Variants in IQCH observed in about 807,000 individuals in gnomAD.
IQCH encodes the protein IQ domain-containing protein H.
In IQCH, 98 loss-of-function variants were observed where a neutral mutation model predicts 117.0. The observed-to-expected ratio is 0.84, with a 90% CI of 0.71 to 0.99. The LOEUF (loss-of-function observed/expected upper bound fraction) is 0.99, where lower values mean the gene tolerates loss of function less well. Ranked by LOEUF, IQCH falls within the 50% of genes least tolerant of loss-of-function variation. IQCH has a pLI of 0.00. For synonymous variants in IQCH, 412 were observed against 448.2 expected (o/e 0.92, Z 1.02); for missense variants, 1,102 against 1,243.8 (o/e 0.89, Z 1.72).
intron 10 of IQCH, 73 bp downstream of exon 10, chr15:67,373,506 C>T (rs1416362312): frequency 1.0e-6 from 1 of 978,930 alleles, no homozygotes; most frequent in Admixed American, 1.7e-5. Context: ...TGATTGAGTT[C>T]AAGGAAGGCC....
rs866733814 is a variant in IQCH at position 67,457,142 on chromosome 15, C to A, written c.2506-7985C>A. On this transcript the variant is annotated intron_variant, in intron 16 of 20. Coordinates refer to ENST00000335894, the MANE Select transcript of IQCH (RefSeq NM_001031715.3). The surrounding 1 kb of genome is among the most constrained non-coding windows in gnomAD (Gnocchi z 5.7). ...TGCCACCAGGTGGCAACAAGCCAAG[C>A]GGCTGCTCTCCCCTCTGCCTATTGA... Among the ~76,000 whole-genome samples, 2 of 152,182 alleles carry A rather than the reference C, an allele frequency of 1.3e-5. No individual in the cohort carries two copies. Among genetic ancestry groups the A allele is most frequent in the East Asian group, 1.9e-4 (1 of 5,192 alleles).
intron 8 of IQCH, among the ~76,000 whole-genome samples, chr15:67,363,304 C>T (rs190126035): frequency 3.4e-4 from 51 of 148,686 alleles, no homozygotes; most frequent in Admixed American, 6.0e-4. Flanking sequence ...GGCATGATCT[C>T]GGCTCACTGC....
intron 12 of IQCH, among the ~76,000 whole-genome samples, chr15:67,392,429 T>C (rs1288144220): frequency 3.9e-5 from 6 of 152,164 alleles, no homozygotes; most frequent in Non-Finnish European, 7.4e-5. Flanking sequence ...CACTGGCCAT[T>C]GTCAAATGGA....
chr15:67,358,898 C>T (rs538786172), intron 7 of IQCH, among the ~76,000 whole-genome samples: 1 of 152,206 alleles, frequency 6.6e-6, no homozygotes, highest in Non-Finnish European at 1.5e-5. Context: ...AAGAGATTTC[C>T]AAGCTATTTA....
chr15:67,458,498 C>T lies in IQCH; in HGVS notation c.2506-6629C>T, dbSNP rs1654968922. Among the ~76,000 whole-genome samples the T allele has an allele frequency of 6.6e-6, 1 of 152,202 alleles. No homozygotes were observed. Among genetic ancestry groups the T allele is most frequent in the Non-Finnish European group, 1.5e-5 (1 of 68,046 alleles). On this transcript the variant is annotated intron_variant, in intron 16 of 20. Coordinates refer to ENST00000335894, the MANE Select transcript of IQCH (RefSeq NM_001031715.3). This position sits in a 1 kb window ranked among gnomAD's most constrained non-coding sequence, Gnocchi z 4.1. ...CTGGACTCCCTGTTTCCATCCTTGC[C>T]CCCTCAGGGCCTCTTGTCAATGCAA...
intron 1 of IQCH, among the ~76,000 whole-genome samples, chr15:67,256,393 C>T (rs758002687): frequency 6.6e-5 from 10 of 152,166 alleles, no homozygotes; most frequent in Non-Finnish European, 1.0e-4. Flanking sequence ...TTGTGGTTGA[C>T]CATTAATCTC....
rs1567241828 is a variant in IQCH, at chr15:67,500,592, G to T, written c.2971-41G>T. ...ACCAGATGCTTGGGGGAGAGGGATT[G>T]TAAGAGGTCTTTAAGTAATAAATAT... On this transcript the variant is annotated intron_variant, in intron 20 of 20. Coordinates refer to ENST00000335894, the MANE Select transcript of IQCH (RefSeq NM_001031715.3). The surrounding 1 kb of genome is among the most constrained non-coding windows in gnomAD (Gnocchi z 4.4). 1 of 1,024,458 alleles carries T rather than the reference G, an allele frequency of 9.8e-7. No individual in the cohort carries two copies. Among genetic ancestry groups the T allele is most frequent in the Non-Finnish European group, 1.5e-6 (1 of 668,972 alleles). The allele number at this position is 1,024,458 out of a possible 1,614,324, so 63.5% of individuals were successfully genotyped here.
At position 67,295,245 on chromosome 15, in the gene IQCH, C is replaced by T. The variant is rs182381260; in HGVS notation, c.387+15733C>T. Among the ~76,000 whole-genome samples the T allele has an allele frequency of 3.9e-5, 6 of 152,254 alleles. No homozygotes were observed. The East Asian group carries it at 1.2e-3, about 29-fold the overall frequency. ...GAGTCTGCTAGTATCCCCAGTATTC[C>T]TCTCCCTCTTTCTTTGTAATAACAC... On this transcript the variant is annotated intron_variant, in intron 4 of 20. Coordinates refer to ENST00000335894, the MANE Select transcript of IQCH (RefSeq NM_001031715.3).
At chr15:67,429,863 A>C (rs1221192949) in intron 16 of IQCH, among the ~76,000 whole-genome samples, 3 of 152,236 alleles carry the variant, frequency 2.0e-5, no homozygotes, top group African/African-American at 7.2e-5. Flanking sequence ...GAAAGTGGAG[A>C]ATTCTTTCTA....
At chr15:67,442,114 T>A (rs1249122304) in intron 16 of IQCH, among the ~76,000 whole-genome samples, 1 of 151,858 alleles carries the variant, frequency 6.6e-6, no homozygotes, top group African/African-American at 2.4e-5. Flanking sequence ...AAGTGGCCAA[T>A]AAACATATGA....
intron 10 of IQCH, among the ~76,000 whole-genome samples, chr15:67,383,777 A>G (rs1292712880): frequency 6.6e-6 from 1 of 152,174 alleles, no homozygotes; most frequent in Non-Finnish European, 1.5e-5. Flanking sequence ...AATGATTCGA[A>G]CAGCTCATTT....
intron 2 of IQCH, among the ~76,000 whole-genome samples, chr15:67,262,412 T>C (rs1965501078): frequency 6.6e-6 from 1 of 152,226 alleles, no homozygotes; most frequent in East Asian, 1.9e-4. Flanking sequence ...TGTTATCTGC[T>C]TCATCTCTCA....
At chr15:67,263,077 C>G in intron 2 of IQCH, 45 bp from the exon 3 acceptor site, 1 of 1,024,420 alleles carries the variant, frequency 9.8e-7, no homozygotes, top group Non-Finnish European at 1.5e-6. Flanking sequence ...AGCTGAGTAT[C>G]TTAAGTCCAC....
chr15:67,304,266 C>T, intron 4 of IQCH: 1 of 706,740 alleles, frequency 1.4e-6, no homozygotes, highest in South Asian at 1.8e-5. Context: ...CTTTAAACTC[C>T]TTTGAGGATA....
chr15:67,306,824 AGTAG>A (rs1191298303), intron 4 of IQCH: 4 of 1,530,220 alleles, frequency 2.6e-6, no homozygotes, highest in Middle Eastern at 3.4e-4. Flanking sequence ...CATTTTTTCT[AGTAG>A]GTCCTCAAAG....
rs1970571783 is a variant in IQCH at position 67,372,401 on chromosome 15, C to T, written c.1044C>T (p.Asp348=). Reference sequence around the variant, plus strand: ...ATGACCTTCTCTCAGTGTTAGAGGACCCAGCTCATGTCCAAATGCTGATAA... The same window carrying T: ...ATGACCTTCTCTCAGTGTTAGAGGATCCAGCTCATGTCCAAATGCTGATAA... ...TRYDLLSVLE[D]PAHVQMLINL... The change falls in exon 9 of 21, where the codon GAC becomes GAT. Residue 348 remains aspartate, a synonymous_variant. Transcript: ENST00000335894. The T allele has an allele frequency of 6.2e-7, 1 of 1,613,990 alleles. No individual in the cohort carries two copies. The highest frequency in any genetic ancestry group is 1.7e-5 in the Admixed American group (1 of 59,982).
At position 67,408,921 on chromosome 15, in the gene IQCH, C is replaced by T. The variant is rs1442867452; in HGVS notation, c.2098-8010C>T. On this transcript the variant is annotated intron_variant, in intron 14 of 20. Coordinates refer to ENST00000335894, the MANE Select transcript of IQCH (RefSeq NM_001031715.3). The surrounding 1 kb of genome is among the most constrained non-coding windows in gnomAD (Gnocchi z 4.2). Reference sequence around the variant, plus strand: ...ATCTTAGAACAGTCATATGTATTTACTTGATATCACTCTTATATTTTAATA... The same window carrying T: ...ATCTTAGAACAGTCATATGTATTTATTTGATATCACTCTTATATTTTAATA... Among the ~76,000 whole-genome samples the T allele has an allele frequency of 1.3e-5, 2 of 152,178 alleles. No individual in the cohort carries two copies. Among genetic ancestry groups the T allele is most frequent in the Admixed American group, 6.5e-5 (1 of 15,276 alleles).
chr15:67,440,050 C>T (rs1485092994), intron 16 of IQCH, among the ~76,000 whole-genome samples: 2 of 152,104 alleles, frequency 1.3e-5, no homozygotes, highest in East Asian at 3.8e-4. Flanking sequence ...ACAACTGACA[C>T]CGCAGAAAGA....
intron 10 of IQCH, among the ~76,000 whole-genome samples, chr15:67,379,769 C>T (rs996509370): frequency 2.0e-5 from 3 of 152,162 alleles, no homozygotes; most frequent in Non-Finnish European, 2.9e-5. Flanking sequence ...CTTCACCTTC[C>T]GCCATGATTG....
Sources: gnomAD v4.1 joint callset for allele counts (sites outside exome capture counted in the v4.1 genomes callset) on GRCh38, gnomAD v4.1.1 for gene constraint, Gnocchi (gnomAD v3.1) non-coding constraint, MANE v1.5 for transcripts, NCBI Gene and HGNC (gene_info 2026-07-23, HGNC 2026-07-21) for gene names.